The following NLGN1 variants were observed in gnomAD, a reference collection of about 807,000 sequenced individuals.
NLGN1 encodes the protein neuroligin 1.
NLGN1 carries 12 observed loss-of-function variants against 65.5 expected under a neutral mutation model. The observed-to-expected ratio is 0.18, with a 90% confidence interval of 0.12 to 0.30. NLGN1 has a LOEUF of 0.30. Ranked by LOEUF, NLGN1 falls within the 10% of genes least tolerant of loss-of-function variation. The pLI is 1.00. For missense variants in NLGN1, 750 were observed against 1,007.1 expected, an observed-to-expected ratio of 0.74 and a Z score of 3.46; for synonymous variants, 350 against 359.5, an observed-to-expected ratio of 0.97 and a Z score of 0.30.
chr3:173,903,442 A>G (rs1350925785), intron 4 of NLGN1, among the ~76,000 whole-genome samples: 1 of 152,118 alleles, frequency 6.6e-6, no homozygotes, highest in East Asian at 1.9e-4. Context: ...TGGTAAAGAT[A>G]ATTTAATCTT....
chr3:174,219,146 G>T (rs537897871), intron 4 of NLGN1, among the ~76,000 whole-genome samples: 86 of 152,206 alleles, frequency 5.7e-4, no homozygotes, highest in African/African-American at 2.0e-3. Flanking sequence ...AATAGCACCA[G>T]CTAGTGCCAT....
chr3:174,159,571 G>A lies in NLGN1; in HGVS notation c.647-115744G>A, dbSNP rs1726112808. 4.6e-5 allele frequency among the ~76,000 whole-genome samples: 7 copies of A among 151,654 alleles called. No individual in the cohort carries two copies. The South Asian group carries it at 1.5e-3, about 31-fold the overall frequency. On this transcript the variant is annotated intron_variant, in intron 4 of 6. Coordinates refer to ENST00000457714, the Ensembl canonical transcript of NLGN1. ...AGAGAAAGAAAGCCCAACAAGGTAA[G>A]AGATTTTCTAAAAGAGGTGGAGAGA...
chr3:173,715,525 A>T (rs2149972106), intron 3 of NLGN1, among the ~76,000 whole-genome samples: 1 of 152,296 alleles, frequency 6.6e-6, no homozygotes, highest in African/African-American at 2.4e-5. Flanking sequence ...GAATCAAGGT[A>T]GCGAAAAGGG....
intron 4 of NLGN1, among the ~76,000 whole-genome samples, chr3:173,852,180 C>T (rs1161776100): frequency 1.3e-5 from 2 of 150,742 alleles, no homozygotes; most frequent in Non-Finnish European, 3.0e-5. Flanking sequence ...CACGGTGAAA[C>T]CCTGTCTCTA....
At chr3:173,732,840 T>A (rs961119065) in intron 3 of NLGN1, among the ~76,000 whole-genome samples, 4 of 152,078 alleles carry the variant, frequency 2.6e-5, no homozygotes, top group African/African-American at 9.7e-5. Context: ...GTAAAACATA[T>A]CAGTTTATTT....
chr3:174,061,150 C>T (rs6445138), intron 4 of NLGN1, among the ~76,000 whole-genome samples: 31,664 of 151,756 alleles, frequency 0.21, 4,249 homozygotes, highest in African/African-American at 0.39. Flanking sequence ...ATTAAAAGGT[C>T]GTAATGAAGT....
chr3:173,467,055 A>G (rs1430193186), intron 2 of NLGN1, among the ~76,000 whole-genome samples: 5 of 152,158 alleles, frequency 3.3e-5, no homozygotes, highest in African/African-American at 1.2e-4. Context: ...AAATAAAAAT[A>G]TATTTCTAAT....
At chr3:174,019,037 GTGTCACAAAA>G (rs896394947) in intron 4 of NLGN1, among the ~76,000 whole-genome samples, 2 of 151,936 alleles carry the variant, frequency 1.3e-5, no homozygotes, top group African/African-American at 2.4e-5. Flanking sequence ...AAACTTCCAA[GTGTCACAAAA>G]TGGAGTATTA....
At chr3:173,828,047 T>C (rs964371972) in intron 4 of NLGN1, among the ~76,000 whole-genome samples, 4 of 152,062 alleles carry the variant, frequency 2.6e-5, no homozygotes, top group Admixed American at 6.6e-5. Flanking sequence ...CCCAGTCACA[T>C]TGACACATGA....
intron 3 of NLGN1, among the ~76,000 whole-genome samples, chr3:173,752,571 G>A (rs1036404299): frequency 1.3e-5 from 2 of 152,156 alleles, no homozygotes; most frequent in South Asian, 4.1e-4. Context: ...TGTTTAAAAA[G>A]CTTAAAGTCC....
intron 2 of NLGN1, among the ~76,000 whole-genome samples, chr3:173,448,452 T>G (rs557536869): frequency 0.028 from 4,239 of 152,126 alleles, 200 homozygotes; most frequent in African/African-American, 0.094. Flanking sequence ...TGTGTTGCTG[T>G]ATTTGGTTTG....
chr3:174,155,649 C>T (rs1033712682), intron 4 of NLGN1, among the ~76,000 whole-genome samples: 1 of 151,544 alleles, frequency 6.6e-6, no homozygotes, highest in African/African-American at 2.4e-5. Flanking sequence ...AAATGTCTTC[C>T]TGGCTAAAGA....
chr3:174,043,447 C>A (rs1042048662), intron 4 of NLGN1, among the ~76,000 whole-genome samples: 3 of 152,208 alleles, frequency 2.0e-5, no homozygotes, highest in Non-Finnish European at 4.4e-5. Flanking sequence ...TTCCTAGATA[C>A]AATAGGGGTA....
intron 4 of NLGN1, among the ~76,000 whole-genome samples, chr3:173,890,328 C>T (rs1424880806): frequency 6.6e-6 from 1 of 152,134 alleles, no homozygotes; most frequent in Non-Finnish European, 1.5e-5. Flanking sequence ...ACCACCCACA[C>T]ACACTTGTTT....
chr3:174,097,517 C>T (rs1399199252), intron 4 of NLGN1, among the ~76,000 whole-genome samples: 1 of 152,138 alleles, frequency 6.6e-6, no homozygotes, highest in Non-Finnish European at 1.5e-5. Context: ...GTACATGAGT[C>T]ATTTCTATCC....
At chr3:173,530,751 T>G (rs1736433180) in intron 2 of NLGN1, among the ~76,000 whole-genome samples, 1 of 152,192 alleles carries the variant, frequency 6.6e-6, no homozygotes, top group Non-Finnish European at 1.5e-5. Flanking sequence ...CCTGCTCTTT[T>G]GTTTTAATTC....
intron 4 of NLGN1, among the ~76,000 whole-genome samples, chr3:174,215,799 A>G (rs1307045760): frequency 6.6e-6 from 1 of 152,168 alleles, no homozygotes; most frequent in Admixed American, 6.5e-5. Context: ...ATATTTGAGG[A>G]CAGTAAGAGA....
chr3:174,050,125 A>G (rs1318623246), intron 4 of NLGN1, among the ~76,000 whole-genome samples: 1 of 152,154 alleles, frequency 6.6e-6, no homozygotes, highest in East Asian at 1.9e-4. Flanking sequence ...TCTGAATTTC[A>G]CATCAAAAGT....
intron 1 of NLGN1, among the ~76,000 whole-genome samples, chr3:173,429,722 C>G (rs1199686370): frequency 1.3e-5 from 2 of 152,220 alleles, no homozygotes; most frequent in African/African-American, 4.8e-5. Context: ...TAGATGACAC[C>G]CTTGCTCAGA....
Sources: gnomAD v4.1 joint callset for allele counts (sites outside exome capture counted in the v4.1 genomes callset) on GRCh38, gnomAD v4.1.1 for gene constraint, MANE v1.5 for transcripts, NCBI Gene and HGNC (gene_info 2026-07-23, HGNC 2026-07-21) for gene names.